Variants in CNOT2 observed in about 807,000 individuals in gnomAD.
CNOT2 encodes the protein CC chemokine receptor 4-negative regulator of transcription 2.
CNOT2 carries 7 observed loss-of-function variants against 72.1 expected under a neutral mutation model. The observed-to-expected ratio is 0.10, with a 90% CI of 0.06 to 0.18. The LOEUF is 0.18. CNOT2 is among the 10% of genes least tolerant of loss of function. CNOT2 has a pLI of 1.00. For missense variants in CNOT2, 345 were observed against 660.3 expected, an observed-to-expected ratio of 0.52 and a Z score of 5.23; for synonymous variants, 196 against 225.6, an observed-to-expected ratio of 0.87 and a Z score of 1.17.
At position 70,330,476 on chromosome 12, in the gene CNOT2, T is replaced by G; in HGVS notation, c.569+7T>G. 1 of 1,597,696 alleles carries G rather than the reference T, an allele frequency of 6.3e-7. No individual in the cohort carries two copies. The highest frequency in any genetic ancestry group is 8.6e-7 in the Non-Finnish European group (1 of 1,167,430). ...AGCCTTTTACTGTGAACAGGTAAGA[T>G]GTTTATTGATACTGTGTATAATTGT... On this transcript the variant is annotated splice_region_variant and intron_variant, in intron 6 of 15. Coordinates refer to ENST00000229195, the MANE Select transcript of CNOT2 (RefSeq NM_014515.7).
At chr12:70,284,166 G>A (rs1454338286) in intron 2 of CNOT2, among the ~76,000 whole-genome samples, 2 of 151,412 alleles carry the variant, frequency 1.3e-5, no homozygotes, top group African/African-American at 2.4e-5. Context: ...GGCTGGTCTC[G>A]AACTCCTGAC....
chr12:70,293,266 T>G (rs1467774476), intron 2 of CNOT2, among the ~76,000 whole-genome samples: 1 of 151,850 alleles, frequency 6.6e-6, no homozygotes, highest in Non-Finnish European at 1.5e-5. Flanking sequence ...GTTCAAGAGA[T>G]TCTCCTGCCT....
intron 8 of CNOT2, chr12:70,336,136 A>C (rs887725478): frequency 2.6e-5 from 4 of 152,230 alleles, no homozygotes; most frequent in African/African-American, 9.7e-5. Context: ...CATAGCCTCT[A>C]TTGTGACAGA....
intron 3 of CNOT2, 111 bp downstream of exon 3, chr12:70,311,128 T>G (rs1228136824): frequency 5.5e-6 from 4 of 727,370 alleles, no homozygotes; most frequent in Non-Finnish European, 9.5e-6. Context: ...TGACAATCTT[T>G]TCAGCACAGT....
intron 2 of CNOT2, among the ~76,000 whole-genome samples, chr12:70,289,030 C>G (rs1871402352): frequency 6.6e-6 from 1 of 151,624 alleles, no homozygotes; most frequent in East Asian, 1.9e-4. Flanking sequence ...TTTATTCCCT[C>G]CCTTGCCCTG....
At chr12:70,263,161 T>C (rs906807206) in intron 1 of CNOT2, among the ~76,000 whole-genome samples, 3 of 152,220 alleles carry the variant, frequency 2.0e-5, no homozygotes, top group Non-Finnish European at 4.4e-5. Context: ...CTTCCAACGT[T>C]TTGTGCTATG....
chr12:70,282,327 C>T (rs978285505), intron 2 of CNOT2, among the ~76,000 whole-genome samples: 1 of 152,080 alleles, frequency 6.6e-6, no homozygotes, highest in African/African-American at 2.4e-5. Context: ...CATCCTATTC[C>T]GTACGTTTCT....
chr12:70,294,301 A>G (rs771635484), intron 2 of CNOT2: 3 of 1,289,338 alleles, frequency 2.3e-6, no homozygotes, highest in South Asian at 1.2e-5. Context: ...ACAGGTAAGT[A>G]TGTGGTGGGG....
intron 4 of CNOT2, among the ~76,000 whole-genome samples, chr12:70,320,785 A>G (rs1047794616): frequency 6.6e-6 from 1 of 151,806 alleles, no homozygotes; most frequent in African/African-American, 2.4e-5. Context: ...TGGATTGGAG[A>G]AAAATTGTAT....
In CNOT2 at chr12:70,342,242, T is replaced by C. The variant is rs745592746; in HGVS notation, c.1241-16T>C. 1.9e-6 allele frequency: 3 copies of C among 1,613,572 alleles called. No individual in the cohort carries two copies. The highest frequency in any genetic ancestry group is 2.5e-6 in the Non-Finnish European group (3 of 1,179,754). On this transcript the variant is annotated splice_polypyrimidine_tract_variant and intron_variant, in intron 12 of 15. Coordinates refer to ENST00000229195, the MANE Select transcript of CNOT2 (RefSeq NM_014515.7). ...TGAGAATCAGTTAATAAGGCTTTTTTCATTTTATTATCCAGACTTCCATGT... is the reference window on the plus strand; with the variant it reads ...TGAGAATCAGTTAATAAGGCTTTTTCCATTTTATTATCCAGACTTCCATGT...
intron 1 of CNOT2, among the ~76,000 whole-genome samples, chr12:70,262,710 G>T (rs1380071550): frequency 2.0e-5 from 3 of 151,512 alleles, no homozygotes; most frequent in Admixed American, 2.0e-4. Flanking sequence ...GTCTTTCTCT[G>T]TTACCCAGGC....
At chr12:70,277,449 C>G (rs965694425) in intron 1 of CNOT2, among the ~76,000 whole-genome samples, 23 of 151,854 alleles carry the variant, frequency 1.5e-4, no homozygotes, top group African/African-American at 5.6e-4. Context: ...AGAAATCATC[C>G]CCATTATTTT....
Position 70,311,017 on chromosome 12 carries a change from T to G in CNOT2, c.171T>G (p.Asp57Glu). 1 of 1,594,782 alleles carries G rather than the reference T, an allele frequency of 6.3e-7. No individual in the cohort carries two copies. The highest frequency in any genetic ancestry group is 1.1e-5 in the South Asian group (1 of 90,232). The stretch of plus-strand genomic sequence containing the variant: ...TGTTTCCACATCGGTCAGAAAAAGA[T>G]GTAAGTTAATCAATTATGTTGTATT... The part of the protein sequence containing the change: ...SSMFPHRSEK[D>E]MLASPSTSGQ... The change falls in exon 3 of 16, where the codon GAT (aspartate) becomes GAG (glutamate). Residue 57 changes from aspartate (D) to glutamate (E), a missense_variant and splice_region_variant. Transcript: ENST00000229195.
intron 6 of CNOT2, among the ~76,000 whole-genome samples, chr12:70,332,225 A>G (rs1260844184): frequency 6.6e-6 from 1 of 151,770 alleles, no homozygotes; most frequent in African/African-American, 2.4e-5. Flanking sequence ...CTTCCTGAAC[A>G]CTAAAGGGCA....
At chr12:70,250,862 A>T (rs1282574325) in intron 1 of CNOT2, among the ~76,000 whole-genome samples, 1 of 152,202 alleles carries the variant, frequency 6.6e-6, no homozygotes, top group Non-Finnish European at 1.5e-5. Context: ...TGATTAAAGC[A>T]TAATGATCTG....
intron 6 of CNOT2, 155 bp downstream of exon 6, chr12:70,330,624 A>G (rs762078025): frequency 6.5e-6 from 3 of 459,092 alleles, no homozygotes; most frequent in Non-Finnish European, 1.2e-5. Flanking sequence ...CCATCACAAA[A>G]CGATACGTTT....
chr12:70,338,908 C>T, intron 11 of CNOT2, 86 bp downstream of exon 11: 2 of 1,103,054 alleles, frequency 1.8e-6, no homozygotes, highest in Admixed American at 4.1e-5. Context: ...ATTATCTCAC[C>T]TACTGCTACT....
At chr12:70,265,721 G>A (rs1162808940) in intron 1 of CNOT2, among the ~76,000 whole-genome samples, 1 of 151,666 alleles carries the variant, frequency 6.6e-6, no homozygotes, top group Non-Finnish European at 1.5e-5. Context: ...GTAAGCTTAG[G>A]TGATTGACCT....
At chr12:70,341,554 C>T (rs536494993) in intron 11 of CNOT2, among the ~76,000 whole-genome samples, 1 of 152,142 alleles carries the variant, frequency 6.6e-6, no homozygotes, top group Non-Finnish European at 1.5e-5. Context: ...TTTGTCTGTC[C>T]CCCTCCAATC....
Sources: gnomAD v4.1 joint callset for allele counts (sites outside exome capture counted in the v4.1 genomes callset) on GRCh38, gnomAD v4.1.1 for gene constraint, MANE v1.5 for transcripts, NCBI Gene and HGNC (gene_info 2026-07-23, HGNC 2026-07-21) for gene names.